The following PITPNM3 variants were observed in gnomAD, a reference collection of about 807,000 sequenced individuals.
PITPNM3 encodes the protein membrane-associated phosphatidylinositol transfer protein 3.
Under a neutral mutation model 102.0 loss-of-function variants are expected in PITPNM3, and 26 were observed. The observed-to-expected ratio is 0.25, with a 90% confidence interval of 0.19 to 0.35. The LOEUF is 0.35. PITPNM3 is among the 10% of genes least tolerant of loss of function. The pLI is 1.00. For missense variants in PITPNM3, 1,083 were observed against 1,346.1 expected (o/e 0.80, Z 3.06); for synonymous variants, 578 against 558.6 (o/e 1.03, Z -0.49).
At chr17:6,505,170 C>T (rs1005813874) in intron 3 of PITPNM3, among the ~76,000 whole-genome samples, 20 of 134,336 alleles carry the variant, frequency 1.5e-4, no homozygotes, top group Admixed American at 9.8e-4. Context: ...AATGAGACTC[C>T]GTCTCCAAAA....
intron 4 of PITPNM3, among the ~76,000 whole-genome samples, chr17:6,496,507 G>A (rs1471887684): frequency 3.9e-5 from 6 of 152,020 alleles, no homozygotes; most frequent in African/African-American, 4.8e-5. Flanking sequence ...CCTTCCTTCC[G>A]GGGGCCTTCC....
At chr17:6,532,514 C>T (rs117767628) in intron 2 of PITPNM3, among the ~76,000 whole-genome samples, 1,583 of 152,160 alleles carry the variant, frequency 0.01, 23 homozygotes, top group East Asian at 0.042. Context: ...CATCCCCAGG[C>T]GACCGCTGAT....
chr17:6,483,683 C>G lies in PITPNM3; in HGVS notation c.421G>C (p.Asp141His). ...CAGGACGGGTCCCCGGCACCCGTGT[C>G]CAGGATGTTTCCCCCATGCAGGACC... Reference protein sequence around the residue: ...LLVLHGGNILDTGAGDPSCKA... With the variant: ...LLVLHGGNILHTGAGDPSCKA... The change falls in exon 6 of 20, where the codon GAC becomes CAC. Residue 141 changes from aspartate to histidine, a missense_variant. Physicochemically the swap from Asp to His is moderately conservative, Grantham distance 81. This residue lies in a region of PITPNM3 where 290 missense variants were observed against 337.8 expected (regional missense o/e 0.86). Transcript: ENST00000262483. 6.2e-7 allele frequency: 1 copy of G among 1,613,960 alleles called. No homozygotes were observed. The highest frequency in any genetic ancestry group is 8.5e-7 in the Non-Finnish European group (1 of 1,180,002).
Position 6,542,284 on chromosome 17 carries a change from T to C in PITPNM3, c.23-4202A>G, listed in dbSNP as rs547256296. On this transcript the variant is annotated intron_variant, in intron 1 of 19. Coordinates refer to ENST00000262483, the MANE Select transcript of PITPNM3 (RefSeq NM_031220.4). ...AAATCTAAATGGATGTCTACATTCC[T>C]GCGTAGAGGTGTCTAGTGTTACACG... Among the ~76,000 whole-genome samples the C allele has an allele frequency of 1.4e-4, 21 of 152,372 alleles. No individual in the cohort carries two copies. The South Asian group carries it at 1.4e-3, about 11-fold the overall frequency.
chr17:6,490,922 A>C (rs1906419506), intron 4 of PITPNM3, among the ~76,000 whole-genome samples: 2 of 140,006 alleles, frequency 1.4e-5, no homozygotes, highest in Admixed American at 1.5e-4. Context: ...AGATGGCCCC[A>C]CTGCACTCCA....
At chr17:6,491,512 G>C (rs1174105996) in intron 4 of PITPNM3, among the ~76,000 whole-genome samples, 1 of 152,070 alleles carries the variant, frequency 6.6e-6, no homozygotes, top group Non-Finnish European at 1.5e-5. Context: ...GATGAAAGTG[G>C]ATCGGCTCTG....
chr17:6,481,806 G>C (rs1359400099), intron 6 of PITPNM3: 1 of 149,836 alleles, frequency 6.7e-6, no homozygotes, highest in East Asian at 2.0e-4. Flanking sequence ...TGGATGGATG[G>C]ATGGACGGAT....
chr17:6,513,070 C>CA (rs111265571), intron 3 of PITPNM3, among the ~76,000 whole-genome samples: 6,586 of 129,738 alleles, frequency 0.051, 445 homozygotes, highest in African/African-American at 0.16. Context: ...TACATGTCTG[C>CA]AAAAAAAAAA....
chr17:6,483,522 G>A lies in PITPNM3; in HGVS notation c.582C>T (p.Val194=). 1 of 1,613,182 alleles carries A rather than the reference G, an allele frequency of 6.2e-7. No homozygotes were observed. Among genetic ancestry groups the A allele is most frequent in the Non-Finnish European group, 8.5e-7 (1 of 1,179,492 alleles). The change falls in exon 6 of 20, where the codon GTC becomes GTT. Residue 194 remains valine, a synonymous_variant. Coordinates refer to ENST00000262483, the MANE Select transcript of PITPNM3 (RefSeq NM_031220.4). The stretch of plus-strand genomic sequence containing the variant: ...ACAAGCAGAAATGGACTCACTGAGA[G>A]ACAAGCGAGAAAGCCTCAGAGCAGA... The part of the protein sequence containing the change: ...PAICSEAFSL[V]SHLNPYSHDE...
intron 1 of PITPNM3, among the ~76,000 whole-genome samples, chr17:6,543,204 C>T (rs556377984): frequency 9.9e-5 from 15 of 152,270 alleles, no homozygotes; most frequent in African/African-American, 3.6e-4. Flanking sequence ...CTCCTGGCCC[C>T]GATACCCACC....
chr17:6,468,995 C>A lies in PITPNM3; in HGVS notation c.1774-654G>T, dbSNP rs566798254. ...CTACGGAAGCCATTCTTGCCACTGC[C>A]CCGGTGACTCCCACCCCGCCTATCT... On this transcript the variant is annotated intron_variant, in intron 13 of 19. Coordinates refer to ENST00000262483, the MANE Select transcript of PITPNM3 (RefSeq NM_031220.4). The surrounding 1 kb of genome is among the most constrained non-coding windows in gnomAD (Gnocchi z 5.2). Among the ~76,000 whole-genome samples the A allele has an allele frequency of 6.6e-6, 1 of 152,060 alleles. No homozygotes were observed. Among genetic ancestry groups the A allele is most frequent in the South Asian group, 2.1e-4 (1 of 4,814 alleles).
In PITPNM3 at chr17:6,455,104, G is replaced by A; in HGVS notation, c.*234C>T. On this transcript the variant is annotated 3_prime_UTR_variant, in exon 20 of 20. Transcript: ENST00000262483. The stretch of plus-strand genomic sequence containing the variant: ...CCCTGACTTGGGCTTGCGGTCGCAG[G>A]CCCGTGGGAGGCAGCAGTGGCTGCA... 2 of 561,202 alleles carry A rather than the reference G, an allele frequency of 3.6e-6. No individual in the cohort carries two copies. The highest frequency in any genetic ancestry group is 5.2e-5 in the South Asian group (2 of 38,642). 34.8% of individuals were successfully genotyped at this position (561,202 alleles called of 1,614,324 possible). A position where few individuals can be genotyped will look rare whatever the true frequency, so the allele number is the denominator to read the frequency against.
intron 4 of PITPNM3, among the ~76,000 whole-genome samples, chr17:6,491,813 T>C (rs955210097): frequency 2.5e-5 from 2 of 80,436 alleles, no homozygotes; most frequent in African/African-American, 5.4e-5. Flanking sequence ...GCTGGGACAA[T>C]GGAATATATA....
chr17:6,460,951 C>T (rs1904414693), intron 18 of PITPNM3: 1 of 291,668 alleles, frequency 3.4e-6, no homozygotes, highest in Non-Finnish European at 6.6e-6. Context: ...ACCATAGCTT[C>T]GGTCATGGAA....
intron 4 of PITPNM3, among the ~76,000 whole-genome samples, chr17:6,494,577 G>C (rs1390487177): frequency 6.6e-6 from 1 of 152,202 alleles, no homozygotes; most frequent in African/African-American, 2.4e-5. Flanking sequence ...CTCAACCTTA[G>C]AACCCTAAAC....
chr17:6,465,204 A>G (rs11649905), intron 14 of PITPNM3, among the ~76,000 whole-genome samples: 116,792 of 152,176 alleles, frequency 0.77, 45,546 homozygotes, highest in African/African-American at 0.92. Context: ...GCGCCTCCAC[A>G]CCTGGCTAAT....
chr17:6,468,355 G>A lies in PITPNM3; in HGVS notation c.1774-14C>T, dbSNP rs779289492. On this transcript the variant is annotated splice_polypyrimidine_tract_variant and intron_variant, in intron 13 of 19. Transcript: ENST00000262483. This position sits in a 1 kb window ranked among gnomAD's most constrained non-coding sequence, Gnocchi z 5.2. ...ATAGCGCATTACCTAGCCAAGAGCC[G>A]AGCAGGGCCCCGGTCAGGTCTTCTG... is the stretch of plus-strand genomic sequence containing the variant. The A allele has an allele frequency of 1.2e-5, 20 of 1,612,992 alleles. No individual in the cohort carries two copies. Among genetic ancestry groups the A allele is most frequent in the South Asian group, 8.8e-5 (8 of 91,064 alleles).
In PITPNM3 at chr17:6,457,564, C is replaced by T; in HGVS notation, c.2619+30G>A. ...TCCCTTTCCCTGACCTCCCTCACAA[C>T]TCCCCGCCTCCAGCCCCGCCTCCAC... On this transcript the variant is annotated intron_variant, in intron 19 of 19. Coordinates refer to ENST00000262483, the MANE Select transcript of PITPNM3 (RefSeq NM_031220.4). This position sits in a 1 kb window ranked among gnomAD's most constrained non-coding sequence, Gnocchi z 4.7. 1.9e-6 allele frequency: 3 copies of T among 1,613,238 alleles called. No homozygotes were observed. The highest frequency in any genetic ancestry group is 2.5e-6 in the Non-Finnish European group (3 of 1,179,734).
chr17:6,456,840 C>T (rs774477387), intron 19 of PITPNM3, among the ~76,000 whole-genome samples: 2 of 152,220 alleles, frequency 1.3e-5, no homozygotes, highest in African/African-American at 2.4e-5. Context: ...TTCCCTTTCT[C>T]TCATCCTGCA....
Sources: gnomAD v4.1 joint callset for allele counts (sites outside exome capture counted in the v4.1 genomes callset) on GRCh38, gnomAD v4.1.1 for gene constraint, gnomAD v4.1.1 regional missense constraint, Gnocchi (gnomAD v3.1) non-coding constraint, MANE v1.5 for transcripts, NCBI Gene and HGNC (gene_info 2026-07-23, HGNC 2026-07-21) for gene names.